Variants in SC5D observed in about 807,000 individuals in gnomAD.
SC5D encodes sterol-C5-desaturase, also known as lathosterol oxidase.
SC5D carries 21 observed loss-of-function variants against 23.9 expected under a neutral mutation model. The ratio of observed to expected loss-of-function variants is 0.88; its 90% CI spans 0.62 to 1.26. The LOEUF (loss-of-function observed/expected upper bound fraction) is 1.26. SC5D is among the 50% of genes most tolerant of loss of function. The probability of loss-of-function intolerance (pLI) is 0.00; values close to 1 mark genes in which losing one functional copy is unlikely to be tolerated. For missense variants in SC5D, 309 were observed against 364.8 expected (o/e 0.85, Z 1.25); for synonymous variants, 113 against 125.9 (o/e 0.90, Z 0.68).
rs573979411 is a variant in SC5D at position 121,310,721 on chromosome 11, A to G, written c.*3209A>G. On this transcript the variant is annotated 3_prime_UTR_variant, in exon 5 of 5. Coordinates refer to ENST00000264027, the MANE Select transcript of SC5D (RefSeq NM_006918.5). ...ATGATCTGCCTGCCTCGGCCTCCCA[A>G]AGTGCTGGGATTATAGGTGTGAGCC... Among the ~76,000 whole-genome samples the G allele has an allele frequency of 6.6e-6, 1 of 151,852 alleles. No individual in the cohort carries two copies. Among genetic ancestry groups the G allele is most frequent in the Non-Finnish European group, 1.5e-5 (1 of 67,960 alleles).
chr11:121,303,805 G>C lies in SC5D; in HGVS notation c.210+220G>C, dbSNP rs554974157. On this transcript the variant is annotated intron_variant, in intron 2 of 4. Coordinates refer to ENST00000264027, the MANE Select transcript of SC5D (RefSeq NM_006918.5). ...TTAATAAAACTATAAGTCTAGTATC[G>C]TATCTTGCTAGATGCATATTGGAGC... The C allele has an allele frequency of 1.4e-5, 7 of 497,664 alleles. No homozygotes were observed. In the South Asian group the frequency reaches 1.7e-4, roughly 12 times the overall value. The allele number at this position is 497,664 out of a possible 1,614,324, so 30.8% of individuals were successfully genotyped here. A position where few individuals can be genotyped will look rare whatever the true frequency, so the allele number is the denominator to read the frequency against.
At chr11:121,293,587 T>C (rs1947867902) in intron 1 of SC5D, among the ~76,000 whole-genome samples, 1 of 152,234 alleles carries the variant, frequency 6.6e-6, no homozygotes, top group Admixed American at 6.5e-5. Context: ...GGAGGTGGTG[T>C]AAGTGAAGAA....
chr11:121,299,452 T>C (rs1001210696), intron 1 of SC5D, among the ~76,000 whole-genome samples: 3 of 152,282 alleles, frequency 2.0e-5, no homozygotes, highest in African/African-American at 7.2e-5. Context: ...ATACATTGTT[T>C]ATTGTCTGTA....
chr11:121,307,820 A>T lies in SC5D; in HGVS notation c.*308A>T. 3.8e-6 allele frequency: 1 copy of T among 264,756 alleles called. No homozygotes were observed. The highest frequency in any genetic ancestry group is 5.8e-5 in the South Asian group (1 of 17,320). 16.4% of individuals were successfully genotyped at this position (264,756 alleles called of 1,614,324 possible). On this transcript the variant is annotated 3_prime_UTR_variant, in exon 5 of 5. Coordinates refer to ENST00000264027, the MANE Select transcript of SC5D (RefSeq NM_006918.5). Reference sequence around the variant, plus strand: ...AACAATTTTAAATAAGATGGAGAATAAATTATTGAGGGGACTAGGCTATAT... The same window carrying T: ...AACAATTTTAAATAAGATGGAGAATTAATTATTGAGGGGACTAGGCTATAT...
rs1386348832 is a variant in SC5D, at chr11:121,312,461, C to T, written c.*4949C>T. 6.6e-6 allele frequency among the ~76,000 whole-genome samples: 1 copy of T among 152,100 alleles called. No individual in the cohort carries two copies. Among genetic ancestry groups the T allele is most frequent in the Admixed American group, 6.5e-5 (1 of 15,272 alleles). ...TACCATTTACATATTTTATTAATCACATTTTCTTAAACATTTGATAAGAGA... is the reference window on the plus strand; with the variant it reads ...TACCATTTACATATTTTATTAATCATATTTTCTTAAACATTTGATAAGAGA... On this transcript the variant is annotated 3_prime_UTR_variant, in exon 5 of 5. Transcript: ENST00000264027.
At chr11:121,303,840 CTGA>C in intron 2 of SC5D, 1 of 399,520 alleles carries the variant, frequency 2.5e-6, no homozygotes, top group Non-Finnish European at 4.5e-6. Context: ...CATTTTTATG[CTGA>C]TATTGATGAG....
At chr11:121,294,191 T>G (rs1278645448) in intron 1 of SC5D, among the ~76,000 whole-genome samples, 1 of 152,226 alleles carries the variant, frequency 6.6e-6, no homozygotes, top group African/African-American at 2.4e-5. Flanking sequence ...GGACAAAGTA[T>G]TTAAGTTTCT....
chr11:121,301,618 C>A (rs553866478), intron 1 of SC5D, among the ~76,000 whole-genome samples: 1 of 152,200 alleles, frequency 6.6e-6, no homozygotes, highest in East Asian at 1.9e-4. Context: ...CCTAGAAGTT[C>A]AACAGTATAG....
Position 121,308,985 on chromosome 11 carries a change from G to A in SC5D, c.*1473G>A, listed in dbSNP as rs1275369753. ...CTTTTCACCAATCCCACTCACCCCC[G>A]GTGCTCCGCCTTGCCTAAGAAAAAG... On this transcript the variant is annotated 3_prime_UTR_variant, in exon 5 of 5. Coordinates refer to ENST00000264027, the MANE Select transcript of SC5D (RefSeq NM_006918.5). 6.6e-6 allele frequency among the ~76,000 whole-genome samples: 1 copy of A among 152,166 alleles called. No homozygotes were observed. The highest frequency in any genetic ancestry group is 2.4e-5 in the African/African-American group (1 of 41,434).
rs1419412410 is a variant in SC5D, at chr11:121,313,171, C to G, written c.*5659C>G. ...TGTTACTGGAAGGTTAGTTTTCTTC[C>G]CTGATTTAGAATTTCATATAAATTA... On this transcript the variant is annotated 3_prime_UTR_variant, in exon 5 of 5. Transcript: ENST00000264027. Among the ~76,000 whole-genome samples the G allele has an allele frequency of 6.6e-6, 1 of 152,134 alleles. No homozygotes were observed. The highest frequency in any genetic ancestry group is 1.5e-5 in the Non-Finnish European group (1 of 68,010).
Position 121,310,455 on chromosome 11 carries a change from C to CT in SC5D, c.*2962dup, listed in dbSNP as rs5795265. Reference sequence around the variant, plus strand: ...TGTTCAGCCCTTCTGTCTCCTGTCCCTTTTTTTTTTTTTTTTTTTGAGATG... The same window carrying CT: ...TGTTCAGCCCTTCTGTCTCCTGTCCCTTTTTTTTTTTTTTTTTTTTGAGATG... On this transcript the variant is annotated 3_prime_UTR_variant, in exon 5 of 5. Transcript: ENST00000264027. Among the ~76,000 whole-genome samples, 1,541 of 111,184 alleles carry CT rather than the reference C, an allele frequency of 0.014. 29 individuals carry two copies. Among genetic ancestry groups the CT allele is most frequent in the East Asian group, 0.036 (150 of 4,162 alleles). The allele number at this position is 111,184 out of a possible 152,430, so 72.9% of individuals were successfully genotyped here. A position where few individuals can be genotyped will look rare whatever the true frequency, so the allele number is the denominator to read the frequency against.
At chr11:121,295,806 C>A (rs1007689801) in intron 1 of SC5D, among the ~76,000 whole-genome samples, 2 of 152,148 alleles carry the variant, frequency 1.3e-5, no homozygotes, top group Non-Finnish European at 2.9e-5. Flanking sequence ...AATGACATCA[C>A]CATCTACTTA....
intron 1 of SC5D, among the ~76,000 whole-genome samples, chr11:121,299,899 G>GAATA (rs1947914261): frequency 1.3e-5 from 2 of 152,082 alleles, no homozygotes; most frequent in East Asian, 1.9e-4. Flanking sequence ...GTCTCTAAAT[G>GAATA]AATAAATAAA....
chr11:121,306,260 C>G (rs912407454), intron 3 of SC5D, 126 bp from the exon 4 acceptor site: 8 of 696,896 alleles, frequency 1.1e-5, no homozygotes, highest in African/African-American at 1.1e-4. Flanking sequence ...ACTGAATTAG[C>G]CAGAACAGAT....
Position 121,304,459 on chromosome 11 carries a change from C to T in SC5D, c.309C>T (p.Ser103=), listed in dbSNP as rs775012775. 1 of 1,613,228 alleles carries T rather than the reference C, an allele frequency of 6.2e-7. No homozygotes were observed. The highest frequency in any genetic ancestry group is 1.7e-5 in the Admixed American group (1 of 60,000). ...TCTTGCTGGAGATAAGAGGTTACAGCAAATTACATGATGACCTAGGAGAGT... is the reference window on the plus strand; with the variant it reads ...TCTTGCTGGAGATAAGAGGTTACAGTAAATTACATGATGACCTAGGAGAGT... ...ALFLLEIRGY[S]KLHDDLGEFP... Residue 103 remains serine, a synonymous_variant, in exon 3 of 5, where the codon AGC becomes AGT. Coordinates refer to ENST00000264027, the MANE Select transcript of SC5D (RefSeq NM_006918.5).
In SC5D at chr11:121,307,977, G is replaced by GT; in HGVS notation, c.*465_*466insT. On this transcript the variant is annotated 3_prime_UTR_variant, in exon 5 of 5. Transcript: ENST00000264027. ...CAGGAATGGTTAATTCTTCAACGTT[G>GT]GTATGATAATGATAACTTGTTTTGA... The GT allele has an allele frequency of 6.4e-6, 1 of 156,624 alleles. No individual in the cohort carries two copies. The allele number at this position is 156,624 out of a possible 1,614,324, so 9.7% of individuals were successfully genotyped here. A position where few individuals can be genotyped will look rare whatever the true frequency, so the allele number is the denominator to read the frequency against.
chr11:121,296,614 G>A (rs984965334), intron 1 of SC5D, among the ~76,000 whole-genome samples: 1 of 152,304 alleles, frequency 6.6e-6, no homozygotes, highest in East Asian at 1.9e-4. Context: ...CTGTATTGCA[G>A]CACGTGTCCT....
In SC5D at chr11:121,306,388, T is replaced by A. The variant is rs1947964334; in HGVS notation, c.346T>A (p.Leu116Met). The A allele has an allele frequency of 6.7e-7, 1 of 1,485,348 alleles. No individual in the cohort carries two copies. The highest frequency in any genetic ancestry group is 1.4e-5 in the African/African-American group (1 of 72,402). 92.0% of individuals were successfully genotyped at this position (1,485,348 alleles called of 1,614,324 possible). ...HDDLGEFPYG[L>M]FELVVSIISF... ...CTGTTTCCCGTTTTCTTTTCTAGGA[T>A]TGTTTGAACTTGTCGTTAGTATAAT... The change falls in exon 4 of 5, where the codon TTG (leucine) becomes ATG (methionine). Residue 116 changes from leucine (L) to methionine (M), a missense_variant and splice_region_variant. Transcript: ENST00000264027.
chr11:121,306,245 A>C, intron 3 of SC5D, 141 bp from the exon 4 acceptor site: 1 of 670,660 alleles, frequency 1.5e-6, no homozygotes. Flanking sequence ...ATTAGTTTAT[A>C]ATATACTGAA....
Sources: gnomAD v4.1 joint callset for allele counts (sites outside exome capture counted in the v4.1 genomes callset) on GRCh38, gnomAD v4.1.1 for gene constraint, MANE v1.5 for transcripts, NCBI Gene and HGNC (gene_info 2026-07-23, HGNC 2026-07-21) for gene names.